PDE1C: variants seen among roughly 807,000 people sequenced by gnomAD.
The protein encoded by PDE1C is dual specificity calcium/calmodulin-dependent 3',5'-cyclic nucleotide phosphodiesterase 1C.
A neutral mutation model predicts 93.1 loss-of-function variants in PDE1C; 62 were observed. The ratio of observed to expected loss-of-function variants is 0.67; its 90% CI spans 0.54 to 0.82. The LOEUF is 0.82. PDE1C is among the 40% of genes least tolerant of loss of function. The probability of loss-of-function intolerance (pLI) is 0.00; values close to 1 mark genes in which losing one functional copy is unlikely to be tolerated. For missense variants in PDE1C, 742 were observed against 884.6 expected (o/e 0.84, Z 2.04); for synonymous variants, 325 against 310.1 (o/e 1.05, Z -0.50).
intron 2 of PDE1C, among the ~76,000 whole-genome samples, chr7:32,178,766 T>A (rs149307577): frequency 2.4e-4 from 37 of 152,292 alleles, no homozygotes; most frequent in Non-Finnish European, 4.7e-4. Context: ...GTCCCTGCCA[T>A]AAATCCTCTC....
intron 3 of PDE1C, among the ~76,000 whole-genome samples, chr7:32,097,423 T>G (rs1797809927): frequency 6.6e-6 from 1 of 152,166 alleles, no homozygotes; most frequent in Non-Finnish European, 1.5e-5. Flanking sequence ...ACAACCCAAC[T>G]CCAGGGCTCA....
At chr7:31,662,341 G>A in the PDE1C span, among the ~76,000 whole-genome samples, 174 of 152,232 alleles carry the variant, frequency 1.1e-3, 1 homozygote, top group African/African-American at 3.4e-3. Flanking sequence ...AAAATTTGGC[G>A]GATTCTCAGA....
chr7:32,317,037 C>A (rs1357605398), intron 1 of PDE1C, among the ~76,000 whole-genome samples: 2 of 152,182 alleles, frequency 1.3e-5, no homozygotes. Flanking sequence ...AGCCAGCGCT[C>A]CACACACGCC....
At chr7:31,814,803 G>A (rs1365144908) in intron 15 of PDE1C, among the ~76,000 whole-genome samples, 1 of 151,182 alleles carries the variant, frequency 6.6e-6, no homozygotes, top group Non-Finnish European at 1.5e-5. Flanking sequence ...CTGTGAATAG[G>A]TATTACTATA....
At position 31,962,870 on chromosome 7, in the gene PDE1C, CGA is replaced by C. The variant is rs2129034932; in HGVS notation, c.129-82012_129-82011del. Among the ~76,000 whole-genome samples, 3 of 152,198 alleles carry C rather than the reference CGA, an allele frequency of 2.0e-5. No homozygotes were observed. The South Asian group carries it at 6.2e-4, about 32-fold the overall frequency. ...ACATGAGAAGTAAGCAGGAACAATA[CGA>C]GAACCAAGACAAGCTACAAGCAGGA... On this transcript the variant is annotated intron_variant, in intron 2 of 17. Coordinates refer to ENST00000396191, the MANE Select transcript of PDE1C (RefSeq NM_001191057.4).
chr7:31,662,806 T>C, the PDE1C span, among the ~76,000 whole-genome samples: 6 of 152,348 alleles, frequency 3.9e-5, no homozygotes, highest in African/African-American at 1.4e-4. Flanking sequence ...CTGCCCTTTT[T>C]ATCTCACAGC....
chr7:32,207,239 A>G (rs928382070), intron 2 of PDE1C, among the ~76,000 whole-genome samples: 2 of 149,548 alleles, frequency 1.3e-5, no homozygotes, highest in South Asian at 2.1e-4. Flanking sequence ...GGCTCTGGCC[A>G]CCCGCCCCCG....
intron 2 of PDE1C, among the ~76,000 whole-genome samples, chr7:31,914,961 C>G (rs1801695254): frequency 6.6e-6 from 1 of 152,200 alleles, no homozygotes. Context: ...TCCATTTCGT[C>G]TAGTTCCTCC....
chr7:32,244,198 C>T (rs1361353030), intron 1 of PDE1C, among the ~76,000 whole-genome samples: 5 of 152,156 alleles, frequency 3.3e-5, no homozygotes, highest in East Asian at 1.9e-4. Flanking sequence ...AAGAAGAGGG[C>T]GGGACATGTA....
chr7:31,897,396 GC>G (rs1229740652), intron 2 of PDE1C, among the ~76,000 whole-genome samples: 1 of 152,188 alleles, frequency 6.6e-6, no homozygotes, highest in Non-Finnish European at 1.5e-5. Flanking sequence ...ACTTAAAATA[GC>G]AAATCATGGC....
intron 1 of PDE1C, among the ~76,000 whole-genome samples, chr7:32,067,499 C>T (rs1487881751): frequency 6.6e-6 from 1 of 152,172 alleles, no homozygotes; most frequent in Non-Finnish European, 1.5e-5. Context: ...CACCTCCCTG[C>T]AATATACTTG....
At chr7:32,395,464 C>A (rs1363457442) in intron 1 of PDE1C, among the ~76,000 whole-genome samples, 3 of 152,004 alleles carry the variant, frequency 2.0e-5, no homozygotes, top group African/African-American at 7.3e-5. Context: ...AATGTGATTC[C>A]ATATTGCTAG....
intron 2 of PDE1C, among the ~76,000 whole-genome samples, chr7:31,946,728 C>G (rs181142443): frequency 2.3e-4 from 35 of 152,302 alleles, no homozygotes; most frequent in African/African-American, 8.4e-4. Context: ...CTAGTGTTGG[C>G]CCCCTGGTCC....
chr7:31,705,234 T>C, the PDE1C span, among the ~76,000 whole-genome samples: 29 of 152,262 alleles, frequency 1.9e-4, no homozygotes, highest in African/African-American at 7.0e-4. Context: ...GATTCTCATA[T>C]GATTAAGTTT....
chr7:32,234,318 C>T (rs372020539), intron 1 of PDE1C, among the ~76,000 whole-genome samples: 1 of 151,958 alleles, frequency 6.6e-6, no homozygotes, highest in East Asian at 1.9e-4. Context: ...CAAACCACAA[C>T]CTGATTCTTT....
intron 7 of PDE1C, among the ~76,000 whole-genome samples, chr7:31,855,694 AT>A (rs1335978656): frequency 1.3e-5 from 2 of 149,994 alleles, no homozygotes; most frequent in Admixed American, 6.6e-5. Context: ...GACCAAAAAA[AT>A]AAAAAATAAA....
chr7:31,801,586 T>C (rs1008896884), intron 16 of PDE1C, among the ~76,000 whole-genome samples: 19 of 151,476 alleles, frequency 1.3e-4, no homozygotes, highest in Admixed American at 9.2e-4. Flanking sequence ...CTATTAATTA[T>C]TGAGAAAGAG....
At chr7:31,972,755 C>T (rs997137524) in intron 2 of PDE1C, among the ~76,000 whole-genome samples, 1 of 152,114 alleles carries the variant, frequency 6.6e-6, no homozygotes, top group East Asian at 1.9e-4. Flanking sequence ...ACCACCCATC[C>T]GGAGGCAGAA....
In PDE1C at chr7:32,099,954, CA is replaced by C. The variant is rs146038242; in HGVS notation, c.308+69830del. 1.7e-3 allele frequency among the ~76,000 whole-genome samples: 253 copies of C among 152,264 alleles called. 7 individuals are homozygous for C. The East Asian group carries it at 0.046, about 28-fold the overall frequency. On this transcript the variant is annotated intron_variant, in intron 3 of 18. Coordinates refer to the PDE1C transcript ENST00000396193. ...CCCCACCCCTCATTGTCAGCATCAC[CA>C]ACATAAAAGCAGTTGTTGTACCTTC... is the stretch of plus-strand genomic sequence containing the variant.
Sources: gnomAD v4.1 joint callset for allele counts (sites outside exome capture counted in the v4.1 genomes callset) on GRCh38, gnomAD v4.1.1 for gene constraint, MANE v1.5 for transcripts, NCBI Gene and HGNC (gene_info 2026-07-23, HGNC 2026-07-21) for gene names.